PAPPA: variants seen among roughly 807,000 people sequenced by gnomAD.
The protein encoded by PAPPA is pappalysin 1, also known as pappalysin-1.
Under a neutral mutation model 164.0 loss-of-function variants are expected in PAPPA, and 60 were observed. The observed-to-expected ratio is 0.37, with a 90% confidence interval of 0.30 to 0.45. PAPPA has a LOEUF of 0.45. Ranked by LOEUF, PAPPA falls within the 20% of genes least tolerant of loss-of-function variation. The pLI, the probability that PAPPA is intolerant of heterozygous loss-of-function variation, is 1.00. For missense variants in PAPPA, 1,782 were observed against 2,087.3 expected (o/e 0.85, Z 2.85); for synonymous variants, 875 against 814.1 (o/e 1.07, Z -1.27).
intron 4 of PAPPA, among the ~76,000 whole-genome samples, chr9:116,214,878 T>A (rs927029128): frequency 1.3e-5 from 2 of 152,182 alleles, no homozygotes; most frequent in African/African-American, 4.8e-5. Flanking sequence ...ATTCCACTTC[T>A]AAGGAATATA....
intron 10 of PAPPA, among the ~76,000 whole-genome samples, chr9:116,307,425 C>A (rs1438493194): frequency 6.6e-6 from 1 of 151,968 alleles, no homozygotes; most frequent in African/African-American, 2.4e-5. Flanking sequence ...CATGGTGAAA[C>A]CCCGTCTCTA....
At chr9:116,333,935 A>G (rs538866268) in intron 12 of PAPPA, among the ~76,000 whole-genome samples, 2 of 152,236 alleles carry the variant, frequency 1.3e-5, no homozygotes, top group East Asian at 3.9e-4. Flanking sequence ...TCTGGAACTG[A>G]GAAGGGCACC....
chr9:116,207,274 A>G (rs1335519666), intron 2 of PAPPA, among the ~76,000 whole-genome samples, 182 bp from the exon 3 acceptor site: 1 of 152,188 alleles, frequency 6.6e-6, no homozygotes, highest in Non-Finnish European at 1.5e-5. Flanking sequence ...TCGAGAACTT[A>G]ATTTTATGAT....
Position 116,267,881 on chromosome 9 carries a change from CAAAAAAAAAAAAAAAA to C in PAPPA, c.2861+1909_2861+1924del, listed in dbSNP as rs61670954. Among the ~76,000 whole-genome samples the C allele has an allele frequency of 6.9e-5, 4 of 57,598 alleles. No homozygotes were observed. The Admixed American group carries it at 9.4e-4, about 14-fold the overall frequency. The allele number at this position is 57,598 out of a possible 152,430, so 37.8% of individuals were successfully genotyped here. ...TGGGCGACAGAGCGAGACTCCGTCT[CAAAAAAAAAAAAAAAA>C]AAAAAAAAAAAAGAAATGGCATTAA... On this transcript the variant is annotated intron_variant, in intron 8 of 21. Coordinates refer to ENST00000328252, the MANE Select transcript of PAPPA (RefSeq NM_002581.5).
chr9:116,395,527 C>G (rs532260056), intron 21 of PAPPA, among the ~76,000 whole-genome samples: 5 of 152,236 alleles, frequency 3.3e-5, no homozygotes, highest in African/African-American at 1.2e-4. Context: ...AATCTACTTG[C>G]GTTAGTTCAG....
chr9:116,219,852 T>C, intron 4 of PAPPA, 85 bp from the exon 5 acceptor site: 1 of 1,169,704 alleles, frequency 8.5e-7, no homozygotes, highest in Non-Finnish European at 1.2e-6. Flanking sequence ...TGCTGACTCT[T>C]GGGCCGCCAG....
At chr9:116,352,585 T>A (rs1472407083) in intron 15 of PAPPA, 121 bp from the exon 16 acceptor site, 2 of 764,514 alleles carry the variant, frequency 2.6e-6, no homozygotes, top group Non-Finnish European at 4.6e-6. Flanking sequence ...GTAGAAGGGG[T>A]TGGAATTCCA....
intron 6 of PAPPA, 27 bp downstream of exon 6, chr9:116,227,579 G>T (rs765974318): frequency 1.1e-5 from 17 of 1,612,470 alleles, no homozygotes; most frequent in Admixed American, 6.7e-5. Context: ...GAAGCTCATT[G>T]ACAGGAGGAG....
At chr9:116,377,870 AC>A (rs140145012) in intron 20 of PAPPA, among the ~76,000 whole-genome samples, 2,190 of 152,292 alleles carry the variant, frequency 0.014, 45 homozygotes, top group African/African-American at 0.049. Context: ...GGAATGGGTA[AC>A]AGAGTTGGGT....
intron 9 of PAPPA, among the ~76,000 whole-genome samples, chr9:116,292,793 A>T (rs1845452814): frequency 6.6e-6 from 1 of 152,170 alleles, no homozygotes; most frequent in African/African-American, 2.4e-5. Flanking sequence ...CTGAGACAGG[A>T]TGAGAAACTG....
At chr9:116,371,464 G>T (rs527917679) in intron 19 of PAPPA, among the ~76,000 whole-genome samples, 1 of 152,244 alleles carries the variant, frequency 6.6e-6, no homozygotes, top group South Asian at 2.1e-4. Flanking sequence ...CATATTAGTA[G>T]TAGTAGTATT....
At chr9:116,232,671 T>C (rs763623169) in intron 6 of PAPPA, among the ~76,000 whole-genome samples, 3 of 152,226 alleles carry the variant, frequency 2.0e-5, no homozygotes, top group Non-Finnish European at 2.9e-5. Context: ...ACATTGAGGA[T>C]GGTCAACTCG....
At chr9:116,368,439 A>G (rs908519324) in intron 19 of PAPPA, among the ~76,000 whole-genome samples, 12 of 151,982 alleles carry the variant, frequency 7.9e-5, no homozygotes, top group African/African-American at 2.9e-4. Context: ...TTGAACCCAA[A>G]CCTGAGTCTG....
At chr9:116,358,588 A>G (rs1461773228) in intron 17 of PAPPA, among the ~76,000 whole-genome samples, 1 of 152,234 alleles carries the variant, frequency 6.6e-6, no homozygotes, top group Non-Finnish European at 1.5e-5. Context: ...GCATGCCTCC[A>G]AAGCTTAGCC....
intron 17 of PAPPA, 101 bp from the exon 18 acceptor site, chr9:116,362,491 C>A: frequency 7.7e-7 from 1 of 1,295,130 alleles, no homozygotes. Flanking sequence ...CACTTCAGAG[C>A]TCTGGAGAGA....
intron 3 of PAPPA, among the ~76,000 whole-genome samples, chr9:116,209,918 C>G (rs560869084): frequency 1.2e-4 from 18 of 152,256 alleles, no homozygotes; most frequent in Admixed American, 1.2e-3. Flanking sequence ...CTAACTCCAG[C>G]TGGACTCCAG....
At chr9:116,182,086 C>T (rs1016486620) in intron 1 of PAPPA, among the ~76,000 whole-genome samples, 1 of 152,200 alleles carries the variant, frequency 6.6e-6, no homozygotes, top group Non-Finnish European at 1.5e-5. Context: ...ATTCTATAGA[C>T]CTGCATTCTG....
intron 21 of PAPPA, among the ~76,000 whole-genome samples, chr9:116,393,007 T>C (rs1383569404): frequency 6.6e-6 from 1 of 152,156 alleles, no homozygotes; most frequent in Admixed American, 6.5e-5. Context: ...CCAGTGTTTA[T>C]TTCGGAAGTG....
intron 21 of PAPPA, among the ~76,000 whole-genome samples, chr9:116,387,681 G>T (rs780182159): frequency 5.9e-5 from 9 of 152,146 alleles, no homozygotes; most frequent in Non-Finnish European, 7.3e-5. Flanking sequence ...GGCCCTAGGC[G>T]TTATCTTTTT....
Sources: allele counts gnomAD v4.1 joint callset (sites outside exome capture counted in the v4.1 genomes callset), GRCh38; gene constraint gnomAD v4.1.1; transcripts MANE v1.5; gene names NCBI Gene and HGNC (gene_info 2026-07-23, HGNC 2026-07-21).